COL8A1: variants seen among roughly 807,000 people sequenced by gnomAD.
COL8A1 encodes collagen alpha-1(VIII) chain.
A neutral mutation model predicts 42.7 loss-of-function variants in COL8A1; 21 were observed. The observed-to-expected ratio is 0.49, with a 90% CI of 0.35 to 0.71. COL8A1 has a LOEUF of 0.71. Ranked by LOEUF, COL8A1 falls within the 30% of genes least tolerant of loss-of-function variation. The pLI is 0.01. For synonymous variants in COL8A1, 367 were observed against 369.1 expected (o/e 0.99, Z 0.06); for missense variants, 788 against 962.4 (o/e 0.82, Z 2.40).
intron 1 of COL8A1, among the ~76,000 whole-genome samples, chr3:99,712,921 C>T (rs1042720334): frequency 1.3e-5 from 2 of 152,082 alleles, no homozygotes; most frequent in Non-Finnish European, 2.9e-5. Flanking sequence ...CTCTTTTTCT[C>T]TACATTTGAG....
chr3:99,715,797 A>G (rs763865648), intron 1 of COL8A1, among the ~76,000 whole-genome samples: 17 of 151,970 alleles, frequency 1.1e-4, no homozygotes, highest in Non-Finnish European at 2.2e-4. Context: ...ATTTTATTGC[A>G]TCACTCGCAA....
chr3:99,719,304 A>G (rs1338306675), intron 1 of COL8A1, among the ~76,000 whole-genome samples: 1 of 152,036 alleles, frequency 6.6e-6, no homozygotes, highest in Non-Finnish European at 1.5e-5. Context: ...AGATACAAAT[A>G]TTTTTTACAA....
At chr3:99,648,746 T>C (rs950393787) in intron 1 of COL8A1, among the ~76,000 whole-genome samples, 4 of 152,164 alleles carry the variant, frequency 2.6e-5, no homozygotes, top group Non-Finnish European at 5.9e-5. Context: ...CAAAGGCACT[T>C]CGGCACATTA....
intron 1 of COL8A1, among the ~76,000 whole-genome samples, chr3:99,706,855 AT>A (rs1329391036): frequency 6.6e-6 from 1 of 152,338 alleles, no homozygotes; most frequent in African/African-American, 2.4e-5. Flanking sequence ...CAAAAGGGAC[AT>A]TCTCATAGAG....
At chr3:99,656,677 A>G (rs964547423) in intron 1 of COL8A1, among the ~76,000 whole-genome samples, 2 of 152,216 alleles carry the variant, frequency 1.3e-5, no homozygotes, top group African/African-American at 4.8e-5. Flanking sequence ...TTTCCTTACA[A>G]TCTTTCTTTT....
intron 1 of COL8A1, among the ~76,000 whole-genome samples, chr3:99,682,865 TG>T (rs11298677): frequency 0.61 from 92,111 of 152,014 alleles, 28,160 homozygotes; most frequent in East Asian, 0.77. Context: ...TAGCACTCAG[TG>T]GAGCACGAGC....
At chr3:99,668,102 A>T (rs1938421357) in intron 1 of COL8A1, among the ~76,000 whole-genome samples, 1 of 152,118 alleles carries the variant, frequency 6.6e-6, no homozygotes, top group Non-Finnish European at 1.5e-5. Context: ...CAGCAAATTT[A>T]AAAAAATAGA....
At chr3:99,692,131 C>T (rs1366761378) in intron 1 of COL8A1, among the ~76,000 whole-genome samples, 1 of 152,094 alleles carries the variant, frequency 6.6e-6, no homozygotes, top group African/African-American at 2.4e-5. Flanking sequence ...CCACCAACCC[C>T]TACTCACACA....
At chr3:99,663,712 T>C (rs1324066974) in intron 1 of COL8A1, among the ~76,000 whole-genome samples, 3 of 152,184 alleles carry the variant, frequency 2.0e-5, no homozygotes, top group Non-Finnish European at 4.4e-5. Flanking sequence ...GTAGTGAAGA[T>C]GGTAAAATTT....
In COL8A1 at chr3:99,794,206, TTC is replaced by T; in HGVS notation, c.329-16_329-15del. ...ATCTCTCTCTCTCCCCCCATACCCC[TTC>T]TCTCTCTTCTCTTCCCAGTAGAAAT... On this transcript the variant is annotated intron_variant, in intron 3 of 3. Coordinates refer to ENST00000652472, the MANE Select transcript of COL8A1 (RefSeq NM_020351.4). The surrounding 1 kb of genome is among the most constrained non-coding windows in gnomAD (Gnocchi z 4.3). 6.8e-7 allele frequency: 1 copy of T among 1,470,204 alleles called. No homozygotes were observed. Among genetic ancestry groups the T allele is most frequent in the Non-Finnish European group, 9.2e-7 (1 of 1,087,708 alleles). 91.1% of individuals were successfully genotyped at this position (1,470,204 alleles called of 1,614,324 possible). A position where few individuals can be genotyped will look rare whatever the true frequency, so the allele number is the denominator to read the frequency against.
chr3:99,661,886 C>G (rs1251910998), intron 1 of COL8A1, among the ~76,000 whole-genome samples: 1 of 151,994 alleles, frequency 6.6e-6, no homozygotes, highest in Admixed American at 6.6e-5. Context: ...CTGTATGATT[C>G]CATTTATTTG....
chr3:99,731,012 G>A (rs1352124896), intron 1 of COL8A1, among the ~76,000 whole-genome samples: 1 of 152,060 alleles, frequency 6.6e-6, no homozygotes, highest in Non-Finnish European at 1.5e-5. Context: ...TATTTGTAAG[G>A]AGTCTAGTAA....
At chr3:99,767,010 T>C (rs1357251502) in intron 2 of COL8A1, among the ~76,000 whole-genome samples, 1 of 152,176 alleles carries the variant, frequency 6.6e-6, no homozygotes, top group African/African-American at 2.4e-5. Flanking sequence ...CATCACAAAT[T>C]TGTATAAAGC....
chr3:99,670,328 G>A (rs547781378), intron 1 of COL8A1, among the ~76,000 whole-genome samples: 3 of 152,038 alleles, frequency 2.0e-5, no homozygotes, highest in Non-Finnish European at 4.4e-5. Flanking sequence ...ACACATTCAC[G>A]ATTCTTCCAT....
At chr3:99,648,562 A>C (rs1937729926) in intron 1 of COL8A1, among the ~76,000 whole-genome samples, 1 of 152,150 alleles carries the variant, frequency 6.6e-6, no homozygotes, top group South Asian at 2.1e-4. Flanking sequence ...AAACAAAACA[A>C]AACAAAAAAC....
chr3:99,669,146 T>TATATATATAGAGAGAGAGAGAG lies in COL8A1; in HGVS notation c.-129+30483_-129+30484insTATATATAGAGAGAGAGAGAGA. Among the ~76,000 whole-genome samples, 12 of 115,362 alleles carry TATATATATAGAGAGAGAGAGAG rather than the reference T, an allele frequency of 1.0e-4. No individual in the cohort carries two copies. In the Admixed American group the frequency reaches 1.0e-3, roughly 10 times the overall value. The allele number at this position is 115,362 out of a possible 152,430, so 75.7% of individuals were successfully genotyped here. A position where few individuals can be genotyped will look rare whatever the true frequency, so the allele number is the denominator to read the frequency against. The stretch of plus-strand genomic sequence containing the variant: ...AATTATATATATATATATATATATA[T>TATATATATAGAGAGAGAGAGAG]AGAGGGAGAGAGAGAGAGAGAGAGA... On this transcript the variant is annotated intron_variant, in intron 1 of 3. Transcript: ENST00000652472.
At chr3:99,678,509 C>G (rs1938769529) in intron 1 of COL8A1, 1 of 151,944 alleles carries the variant, frequency 6.6e-6, no homozygotes, top group African/African-American at 2.4e-5. Flanking sequence ...GCTTTGAGAC[C>G]AAGAAATGTG....
chr3:99,782,188 C>T (rs917553825), intron 2 of COL8A1, among the ~76,000 whole-genome samples: 41 of 151,986 alleles, frequency 2.7e-4, no homozygotes, highest in Middle Eastern at 3.4e-3. Flanking sequence ...CTTATTTCTT[C>T]CTTTGGTTTC....
Position 99,775,720 on chromosome 3 carries a change from A to G in COL8A1, c.-3-14960A>G, listed in dbSNP as rs544382579. ...TTCCCAGCCAGGGCAATCCACCTAT[A>G]CCTCCCAGACTGTCCCAGGCCCAAT... On this transcript the variant is annotated intron_variant, in intron 2 of 3. Transcript: ENST00000652472. Among the ~76,000 whole-genome samples, 459 of 151,870 alleles carry G rather than the reference A, an allele frequency of 3.0e-3. 3 individuals are homozygous for G. Among genetic ancestry groups the G allele is most frequent in the Middle Eastern group, 0.01 (3 of 294 alleles).
Sources: gnomAD v4.1 joint callset for allele counts (sites outside exome capture counted in the v4.1 genomes callset) on GRCh38, gnomAD v4.1.1 for gene constraint, Gnocchi (gnomAD v3.1) non-coding constraint, MANE v1.5 for transcripts, NCBI Gene and HGNC (gene_info 2026-07-23, HGNC 2026-07-21) for gene names.